The following MANBA variants were observed in gnomAD, a reference collection of about 807,000 sequenced individuals.
MANBA encodes beta-mannosidase.
MANBA carries 83 observed loss-of-function variants against 111.1 expected under a neutral mutation model. That is an observed-to-expected ratio of 0.75 (90% CI 0.63 to 0.90). MANBA has a LOEUF of 0.90. Among genes scored for constraint, MANBA ranks in the 40% least tolerant of loss-of-function variants. The pLI, the probability that MANBA is intolerant of heterozygous loss-of-function variation, is 0.00. For synonymous variants in MANBA, 370 were observed against 378.7 expected (o/e 0.98, Z 0.27); for missense variants, 1,036 against 1,069.0 (o/e 0.97, Z 0.43).
chr4:102,719,495 C>T lies in MANBA; in HGVS notation c.549+3376G>A, dbSNP rs1354226891. ...ACAATCAATTTGTACAATAGTGGTC[C>T]TGAGGTGATGTACAGTCTCAGTTTA... On this transcript the variant is annotated intron_variant, in intron 4 of 16. Coordinates refer to ENST00000647097, the MANE Select transcript of MANBA (RefSeq NM_005908.4). Among the ~76,000 whole-genome samples the T allele has an allele frequency of 2.6e-5, 4 of 152,182 alleles. No individual in the cohort carries two copies. In the South Asian group the frequency reaches 6.2e-4, roughly 24 times the overall value.
At chr4:102,704,731 A>G (rs1181498532) in intron 5 of MANBA, among the ~76,000 whole-genome samples, 2 of 151,600 alleles carry the variant, frequency 1.3e-5, no homozygotes, top group Non-Finnish European at 2.9e-5. Flanking sequence ...TTCCAGATAA[A>G]AATTGAAAAA....
intron 5 of MANBA, among the ~76,000 whole-genome samples, chr4:102,708,984 T>C (rs1052895810): frequency 5.3e-5 from 8 of 151,188 alleles, no homozygotes; most frequent in East Asian, 2.0e-4. Flanking sequence ...ATAGAGAAAA[T>C]AGGTAAATTC....
intron 14 of MANBA, among the ~76,000 whole-genome samples, chr4:102,638,944 C>T (rs752745042): frequency 2.6e-5 from 4 of 152,204 alleles, no homozygotes; most frequent in Non-Finnish European, 5.9e-5. Context: ...CCTCACCCAA[C>T]CTTTCTACTT....
chr4:102,728,788 A>C (rs1722910579), intron 1 of MANBA: 1 of 949,360 alleles, frequency 1.1e-6, no homozygotes, highest in African/African-American at 1.6e-5. Context: ...CCAGCCTCCC[A>C]TCATGGGTCT....
chr4:102,742,187 C>A (rs1459480297), intron 1 of MANBA, among the ~76,000 whole-genome samples: 2 of 152,270 alleles, frequency 1.3e-5, no homozygotes, highest in East Asian at 3.9e-4. Context: ...TTAGGAGGAG[C>A]CCGAAGTGTC....
intron 14 of MANBA, among the ~76,000 whole-genome samples, chr4:102,637,024 A>G (rs1410927828): frequency 6.6e-6 from 1 of 152,120 alleles, no homozygotes; most frequent in Non-Finnish European, 1.5e-5. Flanking sequence ...TTTTATAAAG[A>G]AGGAGTTTCC....
At position 102,658,272 on chromosome 4, in the gene MANBA, G is replaced by A. The variant is rs528682625; in HGVS notation, c.1486-372C>T. ...TTGTTGGGGTTGGCTGGGGTTGGGG[G>A]TGTCTTATGCATTGTAGGATATTTA... On this transcript the variant is annotated intron_variant, in intron 11 of 16. Transcript: ENST00000647097. 3.9e-5 allele frequency among the ~76,000 whole-genome samples: 6 copies of A among 152,260 alleles called. No homozygotes were observed. The East Asian group carries it at 7.7e-4, about 20-fold the overall frequency.
chr4:102,693,526 G>A lies in MANBA; in HGVS notation c.674-2755C>T, dbSNP rs28464806. ...CAAGCCAGGAAACGAGCCCTCACTG[G>A]AAACCAAATGGGCCAACACCTTTAT... On this transcript the variant is annotated intron_variant, in intron 5 of 16. Coordinates refer to ENST00000647097, the MANE Select transcript of MANBA (RefSeq NM_005908.4). 4.9e-3 allele frequency among the ~76,000 whole-genome samples: 753 copies of A among 152,272 alleles called. 3 individuals carry two copies. Among genetic ancestry groups the A allele is most frequent in the Middle Eastern group, 0.01 (3 of 294 alleles).
intron 7 of MANBA, among the ~76,000 whole-genome samples, chr4:102,675,896 G>A (rs781273730): frequency 1.8e-4 from 27 of 150,230 alleles, no homozygotes; most frequent in East Asian, 3.9e-4. Flanking sequence ...ACTTGAATCC[G>A]GGAGGCAGAG....
intron 4 of MANBA, among the ~76,000 whole-genome samples, chr4:102,715,303 C>G (rs1007297239): frequency 6.6e-6 from 1 of 152,068 alleles, no homozygotes; most frequent in Admixed American, 6.5e-5. Flanking sequence ...TACAAGTGAG[C>G]TCAGAAACAG....
chr4:102,725,503 G>A (rs1477273262), intron 2 of MANBA, among the ~76,000 whole-genome samples: 4 of 152,138 alleles, frequency 2.6e-5, no homozygotes, highest in Admixed American at 6.5e-5. Flanking sequence ...GTGTTACAGG[G>A]ACAGACATCT....
At chr4:102,743,445 C>T (rs1723482618) in intron 1 of MANBA, among the ~76,000 whole-genome samples, 1 of 152,226 alleles carries the variant, frequency 6.6e-6, no homozygotes, top group South Asian at 2.1e-4. Context: ...CAGCTATCCA[C>T]TTTCGGGTGG....
intron 13 of MANBA, among the ~76,000 whole-genome samples, chr4:102,645,126 A>G (rs892387777): frequency 1.3e-5 from 2 of 151,800 alleles, no homozygotes; most frequent in Non-Finnish European, 2.9e-5. Context: ...GATCATGTGT[A>G]TTTTTTCTTT....
At chr4:102,705,326 G>A (rs547663379) in intron 5 of MANBA, among the ~76,000 whole-genome samples, 1 of 152,322 alleles carries the variant, frequency 6.6e-6, no homozygotes, top group African/African-American at 2.4e-5. Flanking sequence ...GAGCTCCTAA[G>A]CGGTTAAAGC....
At chr4:102,700,164 C>T (rs1158567335) in intron 5 of MANBA, among the ~76,000 whole-genome samples, 1 of 149,852 alleles carries the variant, frequency 6.7e-6, no homozygotes, top group African/African-American at 2.4e-5. Flanking sequence ...TTGTAGTATT[C>T]TCTGATGGTA....
rs181949519 is a variant in MANBA at position 102,758,347 on chromosome 4, T to G, written c.177+2371A>C. On this transcript the variant is annotated intron_variant, in intron 1 of 16. Transcript: ENST00000647097. The stretch of plus-strand genomic sequence containing the variant: ...TGAGATAATTAACTAGGTGAATAGA[T>G]AAATAAATGAATGATATCACCAAGA... Among the ~76,000 whole-genome samples the G allele has an allele frequency of 1.8e-4, 28 of 152,262 alleles. No homozygotes were observed. The East Asian group carries it at 5.0e-3, about 27-fold the overall frequency.
intron 1 of MANBA, among the ~76,000 whole-genome samples, chr4:102,749,430 A>C (rs764017957): frequency 2.6e-5 from 4 of 152,178 alleles, no homozygotes; most frequent in Admixed American, 2.6e-4. Context: ...CCCTGAGAAA[A>C]TGTTTACATT....
intron 5 of MANBA, among the ~76,000 whole-genome samples, chr4:102,702,216 C>A (rs1192944035): frequency 2.0e-5 from 3 of 151,646 alleles, no homozygotes; most frequent in Admixed American, 6.6e-5. Flanking sequence ...TCCATCAGCT[C>A]CTTTAAGCAC....
chr4:102,692,110 T>C (rs1732504486), intron 5 of MANBA, among the ~76,000 whole-genome samples: 1 of 152,138 alleles, frequency 6.6e-6, no homozygotes. Context: ...TCAAAGAGCA[T>C]GACCAGATCT....
Sources: gnomAD v4.1 joint callset for allele counts (sites outside exome capture counted in the v4.1 genomes callset) on GRCh38, gnomAD v4.1.1 for gene constraint, MANE v1.5 for transcripts, NCBI Gene and HGNC (gene_info 2026-07-23, HGNC 2026-07-21) for gene names.